The following CXADR variants were observed in gnomAD, a reference collection of about 807,000 sequenced individuals.
The protein encoded by CXADR is CXADR cell adhesion molecule.
A neutral mutation model predicts 40.3 loss-of-function variants in CXADR; 20 were observed. That is an observed-to-expected ratio of 0.50 (90% CI 0.35 to 0.72). The LOEUF (loss-of-function observed/expected upper bound fraction) is 0.72, where lower values mean the gene tolerates loss of function less well. Among genes scored for constraint, CXADR ranks in the 30% least tolerant of loss-of-function variants. The probability of loss-of-function intolerance (pLI) is 0.01; values close to 1 mark genes in which losing one functional copy is unlikely to be tolerated. For synonymous variants in CXADR, 150 were observed against 161.3 expected (o/e 0.93, Z 0.53); for missense variants, 332 against 449.1 (o/e 0.74, Z 2.36).
At chr21:17,591,399 G>A (rs547969929) in intron 7 of CXADR, among the ~76,000 whole-genome samples, 3 of 151,968 alleles carry the variant, frequency 2.0e-5, no homozygotes, top group Non-Finnish European at 4.4e-5. Flanking sequence ...TACATGGTAG[G>A]TGTTTGTATT....
chr21:17,536,220 G>A (rs972457195), intron 1 of CXADR, among the ~76,000 whole-genome samples: 2 of 152,084 alleles, frequency 1.3e-5, no homozygotes, highest in African/African-American at 4.8e-5. Flanking sequence ...CACAATAAAA[G>A]TTTTTCTTAA....
At chr21:17,519,077 T>TA in intron 1 of CXADR, 1 of 936,876 alleles carries the variant, frequency 1.1e-6, no homozygotes, top group African/African-American at 1.6e-5. Context: ...TGCCCCCTCT[T>TA]AATCTTTTCA....
At chr21:17,537,255 T>C (rs1235020287) in intron 1 of CXADR, among the ~76,000 whole-genome samples, 1 of 152,248 alleles carries the variant, frequency 6.6e-6, no homozygotes, top group Non-Finnish European at 1.5e-5. Context: ...ACAATCTCAC[T>C]GTTGTGGTTC....
intron 1 of CXADR, among the ~76,000 whole-genome samples, chr21:17,535,073 C>T (rs532572219): frequency 4.1e-4 from 63 of 151,868 alleles, no homozygotes; most frequent in African/African-American, 1.3e-3. Flanking sequence ...TGAGCCACCG[C>T]GCCCGGCCTC....
intron 4 of CXADR, among the ~76,000 whole-genome samples, chr21:17,560,080 A>G (rs1176959656): frequency 6.6e-6 from 1 of 151,984 alleles, no homozygotes; most frequent in Non-Finnish European, 1.5e-5. Flanking sequence ...AAATATAGTA[A>G]TTTACCCATG....
Position 17,547,028 on chromosome 21 carries a change from T to G in CXADR, c.45T>G (p.Asp15Glu), listed in dbSNP as rs1198473597. The change falls in exon 2 of 7, where the codon GAT becomes GAG. Residue 15 changes from aspartate to glutamate, a missense_variant and splice_region_variant. Physicochemically the swap from Asp to Glu is conservative, Grantham distance 45 (BLOSUM62 2). Coordinates refer to ENST00000284878, the MANE Select transcript of CXADR (RefSeq NM_001338.5). The part of the protein sequence containing the change: ...LCFVLLCGVV[D>E]FARSLSITTP... ...TCCCTTGTACATTTCTTTCTCTAGA[T>G]TTCGCCAGAAGTTTGAGTATCACTA... 6.2e-7 allele frequency: 1 copy of G among 1,612,376 alleles called. No individual in the cohort carries two copies. Among genetic ancestry groups the G allele is most frequent in the South Asian group, 1.1e-5 (1 of 91,004 alleles).
At chr21:17,600,124 A>ATC in the CXADR span, among the ~76,000 whole-genome samples, 1 of 152,138 alleles carries the variant, frequency 6.6e-6, no homozygotes, top group Admixed American at 6.5e-5. Flanking sequence ...AATATGTAAC[A>ATC]TATGCTGCTG....
intron 1 of CXADR, among the ~76,000 whole-genome samples, chr21:17,538,490 T>A (rs1372750447): frequency 6.6e-6 from 1 of 152,120 alleles, no homozygotes; most frequent in Non-Finnish European, 1.5e-5. Flanking sequence ...TTGTCAGACA[T>A]GTCAGTGACG....
At chr21:17,623,388 T>C in the CXADR span, among the ~76,000 whole-genome samples, 1 of 152,282 alleles carries the variant, frequency 6.6e-6, no homozygotes, top group Admixed American at 6.5e-5. Context: ...TTGGTGTGTG[T>C]GCTTACTGAT....
the CXADR span, among the ~76,000 whole-genome samples, chr21:17,625,904 G>T: frequency 5.9e-5 from 9 of 152,166 alleles, no homozygotes; most frequent in Non-Finnish European, 1.5e-5. Context: ...TTGGAATAAA[G>T]AATGAAACAA....
the CXADR span, among the ~76,000 whole-genome samples, chr21:17,609,606 G>A: frequency 3.9e-5 from 6 of 152,250 alleles, no homozygotes; most frequent in Middle Eastern, 3.4e-3. Context: ...AGAAAAGTTC[G>A]GCAGTTCCTA....
chr21:17,592,676 A>G (rs2061449722), intron 7 of CXADR, among the ~76,000 whole-genome samples: 2 of 151,814 alleles, frequency 1.3e-5, no homozygotes, highest in Admixed American at 1.3e-4. Context: ...AAAAAAATTG[A>G]TAAAACGCAT....
chr21:17,534,019 T>TATATATAGCTATATATATATATATAC (rs1356079376), intron 1 of CXADR, among the ~76,000 whole-genome samples: 1 of 81,400 alleles, frequency 1.2e-5, no homozygotes, highest in East Asian at 3.8e-4. Flanking sequence ...TATATATATA[T>TATATATAGCTATATATATATATATAC]ATATATATAG....
rs137979009 is a variant in CXADR, at chr21:17,542,655, T to C, written c.44-4372T>C. The stretch of plus-strand genomic sequence containing the variant: ...AATATGATCTAGTGCTGTGCACTTA[T>C]TAACTAGACTGCAAATACTTGCAGC... On this transcript the variant is annotated intron_variant, in intron 1 of 6. Coordinates refer to ENST00000284878, the MANE Select transcript of CXADR (RefSeq NM_001338.5). Among the ~76,000 whole-genome samples, 482 of 152,376 alleles carry C rather than the reference T, an allele frequency of 3.2e-3. 17 individuals carry two copies. In the South Asian group the frequency reaches 0.075, roughly 24 times the overall value.
chr21:17,561,235 A>G (rs1446817666), intron 5 of CXADR, 103 bp from the exon 6 acceptor site: 3 of 567,050 alleles, frequency 5.3e-6, no homozygotes, highest in Non-Finnish European at 7.5e-6. Context: ...TTTGTCTTAA[A>G]GTTAACACGT....
chr21:17,571,788 C>G (rs915186692), downstream of CXADR, among the ~76,000 whole-genome samples: 2 of 152,122 alleles, frequency 1.3e-5, no homozygotes, highest in African/African-American at 4.8e-5. Flanking sequence ...TTAGGTTTTC[C>G]AAATTTGGGA....
At chr21:17,598,774 T>C in the CXADR span, 1 of 1,614,172 alleles carries the variant, frequency 6.2e-7, no homozygotes, top group Non-Finnish European at 8.5e-7. Flanking sequence ...CTTGTTCTCA[T>C]CTTTATTTTC....
At chr21:17,527,194 G>A (rs534709996) in intron 1 of CXADR, 4 of 152,244 alleles carry the variant, frequency 2.6e-5, no homozygotes, top group East Asian at 1.9e-4. Context: ...ACAAAGAGTT[G>A]GATCTGTAAC....
chr21:17,561,425 G>A lies in CXADR; in HGVS notation c.782G>A (p.Arg261His), dbSNP rs899509385. Reference protein sequence around the residue: ...ALIGLIIFCCRKKRREEKYEK... With the variant: ...ALIGLIIFCCHKKRREEKYEK... ...ATTGGTCTTATCATCTTTTGCTGTCGTAAAAAGCGCAGAGAAGAAAAATAT... is the reference window on the plus strand; with the variant it reads ...ATTGGTCTTATCATCTTTTGCTGTCATAAAAAGCGCAGAGAAGAAAAATAT... The change falls in exon 6 of 7, where the codon CGT (arginine) becomes CAT (histidine). Residue 261 changes from arginine to histidine, a missense_variant. Arg to His is a conservative substitution (Grantham distance 29). Around this residue, in one of 3 missense-constraint regions of CXADR, gnomAD observed 150 missense variants for 194.2 expected, o/e 0.77. Transcript: ENST00000284878. The A allele has an allele frequency of 1.2e-5, 20 of 1,611,912 alleles. No individual in the cohort carries two copies. Among genetic ancestry groups the A allele is most frequent in the Non-Finnish European group, 1.4e-5 (16 of 1,178,940 alleles).
Sources: allele counts gnomAD v4.1 joint callset (sites outside exome capture counted in the v4.1 genomes callset), GRCh38; gene constraint gnomAD v4.1.1; regional missense constraint gnomAD v4.1.1; transcripts MANE v1.5; gene names NCBI Gene and HGNC (gene_info 2026-07-23, HGNC 2026-07-21).